Variants in BTRC observed in about 807,000 individuals in gnomAD.
BTRC encodes the protein F-box/WD repeat-containing protein 1A.
In BTRC, 42 loss-of-function variants were observed where a neutral mutation model predicts 85.5. The observed-to-expected ratio is 0.49, with a 90% CI of 0.38 to 0.64. BTRC has a LOEUF of 0.64. Among genes scored for constraint, BTRC ranks in the 30% least tolerant of loss-of-function variants. The pLI is 0.00. For missense variants in BTRC, 594 were observed against 743.5 expected (o/e 0.80, Z 2.34); for synonymous variants, 255 against 263.3 (o/e 0.97, Z 0.30).
chr10:101,538,228 A>C, intron 12 of BTRC, 65 bp from the exon 13 acceptor site: 2 of 1,333,528 alleles, frequency 1.5e-6, no homozygotes, highest in South Asian at 1.2e-5. Flanking sequence ...AATTTCTGCT[A>C]TTCTTCCCTG....
chr10:101,522,409 CTTTTTTTTTT>C lies in BTRC; in HGVS notation c.556+558_556+567del, dbSNP rs1176651688. 1.5e-3 allele frequency among the ~76,000 whole-genome samples: 45 copies of C among 29,542 alleles called. 1 individual carries two copies. In the East Asian group the frequency reaches 0.032, roughly 21 times the overall value. 19.4% of individuals were successfully genotyped at this position (29,542 alleles called of 152,430 possible). ...AAAAAAACTCTAGAAATAAAGACTC[CTTTTTTTTTT>C]TTTTTTTTTTTTTTTTTTGAGACAA... On this transcript the variant is annotated intron_variant, in intron 5 of 14. Transcript: ENST00000370187.
intron 5 of BTRC, among the ~76,000 whole-genome samples, chr10:101,522,353 A>AAAAAAAAAAAAAAC (rs2062121906): frequency 2.9e-5 from 1 of 33,928 alleles, no homozygotes; most frequent in Non-Finnish European, 4.7e-5. Context: ...ATAAAGCTTT[A>AAAAAAAAAAAAAAC]AAAAAAAAAA....
At chr10:101,436,144 G>T (rs1944523475) in intron 2 of BTRC, among the ~76,000 whole-genome samples, 1 of 152,138 alleles carries the variant, frequency 6.6e-6, no homozygotes, top group African/African-American at 2.4e-5. Flanking sequence ...GAAAGTGTAT[G>T]AGTGATTAGA....
At chr10:101,526,295 A>C in intron 6 of BTRC, 96 bp downstream of exon 6, 17 of 1,041,864 alleles carry the variant, frequency 1.6e-5, no homozygotes, top group Non-Finnish European at 2.2e-5. Flanking sequence ...ACCACTTCTC[A>C]TTTAATATGG....
chr10:101,546,414 A>G (rs1462428910), intron 13 of BTRC, among the ~76,000 whole-genome samples: 8 of 152,036 alleles, frequency 5.3e-5, no homozygotes, highest in African/African-American at 1.9e-4. Flanking sequence ...TTTTTTTTTA[A>G]TTTTTACTTT....
At chr10:101,528,633 C>T (rs1304728019) in intron 6 of BTRC, among the ~76,000 whole-genome samples, 2 of 152,256 alleles carry the variant, frequency 1.3e-5, no homozygotes, top group East Asian at 1.9e-4. Flanking sequence ...ATTATTCCCT[C>T]GACTTTCTTG....
chr10:101,543,488 C>G (rs994417519), intron 13 of BTRC, among the ~76,000 whole-genome samples: 2 of 150,548 alleles, frequency 1.3e-5, no homozygotes, highest in African/African-American at 4.9e-5. Flanking sequence ...TTAATCCAGC[C>G]TGACCATCTC....
At position 101,521,627 on chromosome 10, in the gene BTRC, C is replaced by A. The variant is rs756051564; in HGVS notation, c.325-12C>A. 3.8e-6 allele frequency: 6 copies of A among 1,588,494 alleles called. No homozygotes were observed. The highest frequency in any genetic ancestry group is 1.7e-4 in the Middle Eastern group (1 of 6,022). On this transcript the variant is annotated splice_polypyrimidine_tract_variant and intron_variant, in intron 4 of 14. Transcript: ENST00000370187. ...CTAATCATTTTATGTTTCTTTTAAC[C>A]CCCTTCTACAGACAAAACTTGCCAA...
intron 1 of BTRC, 166 bp downstream of exon 1, chr10:101,354,394 G>T: frequency 1.3e-6 from 1 of 747,930 alleles, no homozygotes; most frequent in South Asian, 2.1e-5. Flanking sequence ...GAGGCTGGGG[G>T]TTGCGGAGCG....
chr10:101,476,483 T>C (rs930104215), intron 3 of BTRC, among the ~76,000 whole-genome samples: 9 of 152,190 alleles, frequency 5.9e-5, no homozygotes, highest in Non-Finnish European at 1.2e-4. Flanking sequence ...TTCTTTCTTT[T>C]TTTAAAGAGA....
At chr10:101,411,787 G>T (rs1943787337) in intron 1 of BTRC, among the ~76,000 whole-genome samples, 2 of 148,836 alleles carry the variant, frequency 1.3e-5, no homozygotes, top group Non-Finnish European at 3.0e-5. Context: ...CTCTTGTCTT[G>T]TAATTTTAGA....
chr10:101,392,019 G>A (rs746861338), intron 1 of BTRC, among the ~76,000 whole-genome samples: 2 of 151,796 alleles, frequency 1.3e-5, no homozygotes, highest in Non-Finnish European at 1.5e-5. Flanking sequence ...TTGCTCTGTC[G>A]CCCAGGCTGG....
intron 1 of BTRC, among the ~76,000 whole-genome samples, chr10:101,428,134 C>T (rs1288804138): frequency 5.3e-5 from 8 of 151,896 alleles, no homozygotes; most frequent in East Asian, 1.9e-4. Flanking sequence ...TGTAAATGGT[C>T]GATATGGATT....
intron 1 of BTRC, among the ~76,000 whole-genome samples, chr10:101,384,507 T>G (rs1943017776): frequency 6.6e-6 from 1 of 152,218 alleles, no homozygotes. Flanking sequence ...TATGGTAAAT[T>G]ATAGTTCTAG....
At chr10:101,362,734 G>A (rs1293494221) in intron 1 of BTRC, among the ~76,000 whole-genome samples, 4 of 152,248 alleles carry the variant, frequency 2.6e-5, no homozygotes, top group Admixed American at 6.5e-5. Flanking sequence ...AGTCAGCCAC[G>A]AATAGCTAAC....
intron 1 of BTRC, among the ~76,000 whole-genome samples, chr10:101,364,554 G>C (rs2134492745): frequency 6.6e-6 from 1 of 152,290 alleles, no homozygotes; most frequent in South Asian, 2.1e-4. Context: ...ATCAGGTGCT[G>C]ATATATTTAG....
chr10:101,387,032 AT>A (rs1262889496), intron 1 of BTRC, among the ~76,000 whole-genome samples: 1 of 152,116 alleles, frequency 6.6e-6, no homozygotes, highest in Non-Finnish European at 1.5e-5. Flanking sequence ...TTGGAAGAAC[AT>A]GCATTCTCCA....
chr10:101,541,095 C>CT (rs35814606), intron 13 of BTRC, among the ~76,000 whole-genome samples: 37,952 of 146,374 alleles, frequency 0.26, 5,865 homozygotes, highest in South Asian at 0.4. Flanking sequence ...CTCTCTCCCT[C>CT]TTTTTTTTTT....
intron 1 of BTRC, among the ~76,000 whole-genome samples, chr10:101,358,865 T>C (rs1383005437): frequency 6.6e-6 from 1 of 152,172 alleles, no homozygotes; most frequent in Non-Finnish European, 1.5e-5. Context: ...GGAGAAATAA[T>C]GTCTACCTAT....
Sources: allele counts gnomAD v4.1 joint callset (sites outside exome capture counted in the v4.1 genomes callset), GRCh38; gene constraint gnomAD v4.1.1; transcripts MANE v1.5; gene names NCBI Gene and HGNC (gene_info 2026-07-23, HGNC 2026-07-21).